The following PDLIM7 variants were observed in gnomAD, a reference collection of about 807,000 sequenced individuals.
The protein encoded by PDLIM7 is PDZ and LIM domain 7.
In PDLIM7, 37 loss-of-function variants were observed where a neutral mutation model predicts 53.9. The ratio of observed to expected loss-of-function variants is 0.69; its 90% CI spans 0.53 to 0.90. The LOEUF (loss-of-function observed/expected upper bound fraction) is 0.90. PDLIM7 is among the 40% of genes least tolerant of loss of function. The probability of loss-of-function intolerance (pLI) is 0.00; values close to 1 mark genes in which losing one functional copy is unlikely to be tolerated. For synonymous variants in PDLIM7, 300 were observed against 261.3 expected, an observed-to-expected ratio of 1.15 and a Z score of -1.43; for missense variants, 617 against 638.5, an observed-to-expected ratio of 0.97 and a Z score of 0.36.
At position 177,496,446 on chromosome 5, in the gene PDLIM7, C is replaced by A. The variant is rs368310642; in HGVS notation, c.67G>T (p.Asp23Tyr). The change falls in exon 2 of 13, where the codon GAC becomes TAC. Residue 23 changes from aspartate to tyrosine, a missense_variant. Coordinates refer to ENST00000355841, the MANE Select transcript of PDLIM7 (RefSeq NM_005451.5). ...GAAATGGAGAGGGGCACATTGAAGTCCTTGCCCCCTTGCAGCCGGAAGCCC... is the reference window on the plus strand; with the variant it reads ...GAAATGGAGAGGGGCACATTGAAGTACTTGCCCCCTTGCAGCCGGAAGCCC... ...PWGFRLQGGK[D>Y]FNVPLSISRL... 41 of 1,602,942 alleles carry A rather than the reference C, an allele frequency of 2.6e-5. No homozygotes were observed. The African/African-American group carries it at 4.6e-4, about 18-fold the overall frequency.
Position 177,491,790 on chromosome 5 carries a change from G to GTCCACCC in PDLIM7, c.398+16_398+17insGGGTGGA. Reference sequence around the variant, plus strand: ...GGGCCTGATGGCGTGGGCGCGGGCGGGCAGGGGCCGACGTACCCATTCTGC... The same window carrying GTCCACCC: ...GGGCCTGATGGCGTGGGCGCGGGCGGTCCACCCGCAGGGGCCGACGTACCCATTCTGC... On this transcript the variant is annotated intron_variant, in intron 5 of 12. Transcript: ENST00000355841. The GTCCACCC allele has an allele frequency of 8.5e-7, 1 of 1,180,796 alleles. No individual in the cohort carries two copies. Among genetic ancestry groups the GTCCACCC allele is most frequent in the Non-Finnish European group, 1.1e-6 (1 of 919,654 alleles). 73.1% of individuals were successfully genotyped at this position (1,180,796 alleles called of 1,614,324 possible). A position where few individuals can be genotyped will look rare whatever the true frequency, so the allele number is the denominator to read the frequency against.
chr5:177,483,816 G>A, intron 12 of PDLIM7, 51 bp downstream of exon 12: 1 of 1,593,738 alleles, frequency 6.3e-7, no homozygotes, highest in Non-Finnish European at 8.6e-7. Flanking sequence ...CCTGGGGAAT[G>A]AACAGAGGGC....
Position 177,490,898 on chromosome 5 carries a change from G to A in PDLIM7, c.544C>T (p.Pro182Ser). The A allele has an allele frequency of 1.2e-6, 2 of 1,614,076 alleles. No homozygotes were observed. The highest frequency in any genetic ancestry group is 1.7e-6 in the Non-Finnish European group (2 of 1,179,994). ...GATTTCTTCAGGTGCTCCTCATCCGGGTCTTGCACTGAGAGGGCAGAGGCA... is the reference window on the plus strand; with the variant it reads ...GATTTCTTCAGGTGCTCCTCATCCGAGTCTTGCACTGAGAGGGCAGAGGCA... ...HLTGTEFMQD[P>S]DEEHLKKSSQ... The change falls in exon 7 of 13, where the codon CCG (proline) becomes TCG (serine). Residue 182 changes from proline (P) to serine (S), a missense_variant. Pro to Ser is a moderately conservative substitution (Grantham distance 74). Coordinates refer to ENST00000355841, the MANE Select transcript of PDLIM7 (RefSeq NM_005451.5).
chr5:177,496,832 C>A (rs368236506), intron 1 of PDLIM7: 10 of 198,232 alleles, frequency 5.0e-5, no homozygotes, highest in South Asian at 1.2e-4. Flanking sequence ...CGGCCTCCCC[C>A]CAAGCCAGCC....
chr5:177,492,898 A>C, intron 2 of PDLIM7: 1 of 566,156 alleles, frequency 1.8e-6, no homozygotes, highest in Non-Finnish European at 3.2e-6. Context: ...TTATTTATTC[A>C]CTGCCAGACC....
intron 10 of PDLIM7, among the ~76,000 whole-genome samples, chr5:177,487,063 T>C (rs1280725686): frequency 6.8e-6 from 1 of 147,806 alleles, no homozygotes; most frequent in African/African-American, 2.5e-5. Flanking sequence ...GCCTCCCAAG[T>C]AGCTGGGACT....
chr5:177,491,232 G>C, intron 5 of PDLIM7, 86 bp from the exon 6 acceptor site: 1 of 1,496,176 alleles, frequency 6.7e-7, no homozygotes, highest in Admixed American at 1.9e-5. Context: ...TGTGGGTTTG[G>C]GTTACAGTGA....
chr5:177,497,264 C>T (rs952842716), intron 1 of PDLIM7, among the ~76,000 whole-genome samples: 2 of 152,116 alleles, frequency 1.3e-5, no homozygotes, highest in South Asian at 2.1e-4. Flanking sequence ...GCTCCCACAC[C>T]GACGTGACTC....
intron 7 of PDLIM7, 80 bp from the exon 8 acceptor site, chr5:177,489,912 C>A: frequency 6.5e-7 from 1 of 1,541,360 alleles, no homozygotes; most frequent in Non-Finnish European, 8.7e-7. Flanking sequence ...TCCTGCTGGC[C>A]CCACGGGAGA....
intron 10 of PDLIM7, 63 bp from the exon 11 acceptor site, chr5:177,484,253 G>T: frequency 1.3e-6 from 2 of 1,591,700 alleles, no homozygotes; most frequent in South Asian, 1.1e-5. Context: ...TGGGTCACGG[G>T]AACACAGGAG....
At chr5:177,485,237 A>G (rs1336791401) in intron 10 of PDLIM7, among the ~76,000 whole-genome samples, 1 of 152,182 alleles carries the variant, frequency 6.6e-6, no homozygotes, top group Non-Finnish European at 1.5e-5. Flanking sequence ...ATCTATCCCC[A>G]CAGTGCCTGG....
chr5:177,492,878 G>A, intron 2 of PDLIM7: 1 of 586,604 alleles, frequency 1.7e-6, no homozygotes, highest in Non-Finnish European at 3.0e-6. Flanking sequence ...CAATTTCCCA[G>A]TCACACTGCT....
intron 10 of PDLIM7, among the ~76,000 whole-genome samples, chr5:177,486,585 A>G (rs374705356): frequency 5.9e-5 from 9 of 151,274 alleles, no homozygotes; most frequent in Non-Finnish European, 1.2e-4. Context: ...AGGGGGCTCT[A>G]CCAGGGGTGT....
chr5:177,496,411 G>A lies in PDLIM7; in HGVS notation c.96+6C>T, dbSNP rs374899685. The A allele has an allele frequency of 8.0e-5, 126 of 1,582,128 alleles. 1 individual carries two copies. Among genetic ancestry groups the A allele is most frequent in the Non-Finnish European group, 1.0e-4 (118 of 1,163,970 alleles). On this transcript the variant is annotated splice_donor_region_variant and intron_variant, in intron 2 of 12. Transcript: ENST00000355841. ...GGGGGAGCCCCCTCCCCAAACCTAG[G>A]CTCACCCGGGAAATGGAGAGGGGCA...
intron 6 of PDLIM7, 37 bp downstream of exon 6, chr5:177,490,973 G>A: frequency 1.2e-6 from 2 of 1,613,934 alleles, no homozygotes; most frequent in Non-Finnish European, 1.7e-6. Context: ...TGGGCTGGGG[G>A]CGAGGAAAGT....
intron 5 of PDLIM7, 92 bp from the exon 6 acceptor site, chr5:177,491,238 A>G (rs1758764499): frequency 6.8e-7 from 1 of 1,474,010 alleles, no homozygotes. Flanking sequence ...TTTGGGTTAC[A>G]GTGATGGGAG....
chr5:177,490,620 G>C, intron 7 of PDLIM7: 1 of 1,471,296 alleles, frequency 6.8e-7, no homozygotes, highest in Non-Finnish European at 9.3e-7. Context: ...GAGGGAGGAA[G>C]AAGTGGAAGG....
At chr5:177,490,693 AGAAG>A (rs1423666232) in intron 7 of PDLIM7, 173 bp downstream of exon 7, 6 of 887,788 alleles carry the variant, frequency 6.8e-6, no homozygotes, top group South Asian at 3.0e-5. Context: ...AAGAAATGAA[AGAAG>A]GAAGGAAGGA....
intron 7 of PDLIM7, 187 bp from the exon 8 acceptor site, chr5:177,490,019 G>A (rs1333849784): frequency 1.3e-6 from 2 of 1,534,486 alleles, no homozygotes; most frequent in South Asian, 1.2e-5. Context: ...GTTAGCTGGT[G>A]TGCGGTCTCT....
Sources: allele counts gnomAD v4.1 joint callset (sites outside exome capture counted in the v4.1 genomes callset), GRCh38; gene constraint gnomAD v4.1.1; transcripts MANE v1.5; gene names NCBI Gene and HGNC (gene_info 2026-07-23, HGNC 2026-07-21).